Variants in RIPOR3 observed in about 807,000 individuals in gnomAD.
The protein encoded by RIPOR3 is RIPOR family member 3.
RIPOR3 carries 95 observed loss-of-function variants against 114.3 expected under a neutral mutation model. The observed-to-expected ratio is 0.83, with a 90% CI of 0.70 to 0.99. The LOEUF (loss-of-function observed/expected upper bound fraction) is 0.99, where lower values mean the gene tolerates loss of function less well. Among genes scored for constraint, RIPOR3 ranks in the 50% least tolerant of loss-of-function variants. The probability of loss-of-function intolerance (pLI) is 0.00; values close to 1 mark genes in which losing one functional copy is unlikely to be tolerated. For missense variants in RIPOR3, 1,252 were observed against 1,266.9 expected (o/e 0.99, Z 0.18); for synonymous variants, 575 against 543.8 (o/e 1.06, Z -0.80).
chr20:50,618,270 C>CAAA (rs61215608), intron 3 of RIPOR3, among the ~76,000 whole-genome samples: 1,076 of 67,366 alleles, frequency 0.016, 184 homozygotes, highest in African/African-American at 0.07. Context: ...GACTCCGTCT[C>CAAA]AAAAAAAAAA....
At chr20:50,597,999 T>C (rs2083358572) in intron 13 of RIPOR3, among the ~76,000 whole-genome samples, 1 of 152,112 alleles carries the variant, frequency 6.6e-6, no homozygotes, top group Admixed American at 6.5e-5. Flanking sequence ...ACAAGGCCAA[T>C]GGCAGGAGTG....
intron 1 of RIPOR3, among the ~76,000 whole-genome samples, chr20:50,633,133 G>A (rs895907241): frequency 2.2e-4 from 34 of 152,126 alleles, no homozygotes; most frequent in Non-Finnish European, 3.2e-4. Flanking sequence ...TTGGTGGCAG[G>A]CGCCTGTAAT....
At chr20:50,609,775 C>CA (rs1360101612) in intron 6 of RIPOR3, 53 bp from the exon 7 acceptor site, 57 of 1,356,764 alleles carry the variant, frequency 4.2e-5, no homozygotes, top group Non-Finnish European at 5.3e-5. Context: ...GGCGGCCCCA[C>CA]ACCTGCCTGT....
intron 4 of RIPOR3, among the ~76,000 whole-genome samples, chr20:50,615,005 C>T (rs1198047721): frequency 5.3e-5 from 8 of 151,858 alleles, no homozygotes; most frequent in African/African-American, 1.7e-4. Flanking sequence ...TGCAGGGAGC[C>T]GATATCACAC....
chr20:50,604,580 G>C (rs2083628866), intron 12 of RIPOR3, 65 bp downstream of exon 12: 5 of 1,522,288 alleles, frequency 3.3e-6, no homozygotes, highest in South Asian at 1.3e-5. Flanking sequence ...GCTCAGCCCA[G>C]CTCCTGCGTG....
At chr20:50,615,499 T>C (rs908841807) in intron 4 of RIPOR3, among the ~76,000 whole-genome samples, 2 of 133,032 alleles carry the variant, frequency 1.5e-5, no homozygotes, top group African/African-American at 2.9e-5. Flanking sequence ...CACTCCAGCC[T>C]GGACAACAAA....
intron 17 of RIPOR3, among the ~76,000 whole-genome samples, chr20:50,594,302 C>T (rs924082978): frequency 1.1e-4 from 16 of 151,112 alleles, no homozygotes; most frequent in African/African-American, 1.9e-4. Context: ...AAAAATGCAC[C>T]GGCCCACCAA....
Position 50,619,977 on chromosome 20 carries a change from C to T in RIPOR3, c.269+9G>A, listed in dbSNP as rs13045120. The T allele has an allele frequency of 1.0e-3, 1,667 of 1,610,380 alleles. 4 individuals are homozygous for T. The highest frequency in any genetic ancestry group is 1.3e-3 in the Non-Finnish European group (1,586 of 1,176,930). ...CACTTCTTAAAGGCAGCACACAGCC[C>T]AGCCTTACTTGAGGCCTCTTTTCAA... On this transcript the variant is annotated intron_variant, in intron 3 of 21. Transcript: ENST00000327979.
At chr20:50,680,255 G>A (rs1040229811) in intron 1 of RIPOR3, among the ~76,000 whole-genome samples, 2 of 152,198 alleles carry the variant, frequency 1.3e-5, no homozygotes, top group African/African-American at 2.4e-5. Context: ...TACGGCCAGC[G>A]GGGCCCACTG....
At chr20:50,588,557 C>T (rs1222637913) in intron 20 of RIPOR3, among the ~76,000 whole-genome samples, 1 of 152,090 alleles carries the variant, frequency 6.6e-6, no homozygotes, top group African/African-American at 2.4e-5. Context: ...TCATATTCTC[C>T]GGTCCTAGAA....
intron 1 of RIPOR3, among the ~76,000 whole-genome samples, chr20:50,653,722 G>A (rs1265001728): frequency 6.6e-6 from 1 of 151,564 alleles, no homozygotes; most frequent in Non-Finnish European, 1.5e-5. Flanking sequence ...TCCCAAGTAG[G>A]TGGGACTACA....
At chr20:50,596,400 AG>A in intron 14 of RIPOR3, 137 bp from the exon 15 acceptor site, 2 of 1,257,272 alleles carry the variant, frequency 1.6e-6, no homozygotes, top group Non-Finnish European at 1.1e-6. Flanking sequence ...CTGAAGAGGA[AG>A]GGGAAAGGAA....
chr20:50,654,424 T>TG (rs1166180725), intron 1 of RIPOR3, among the ~76,000 whole-genome samples: 2 of 99,540 alleles, frequency 2.0e-5, no homozygotes, highest in African/African-American at 3.7e-5. Context: ...GAGGCAGAGT[T>TG]TTTTTTTTTT....
At chr20:50,665,883 C>A (rs1282145660) in intron 1 of RIPOR3, among the ~76,000 whole-genome samples, 1 of 152,074 alleles carries the variant, frequency 6.6e-6, no homozygotes, top group East Asian at 1.9e-4. Context: ...CCTAAGGCCC[C>A]CCGTCGCCAC....
chr20:50,595,391 G>A lies in RIPOR3; in HGVS notation c.2028C>T (p.Gly676=), dbSNP rs1225946854. The A allele has an allele frequency of 1.2e-6, 2 of 1,613,996 alleles. No homozygotes were observed. Among genetic ancestry groups the A allele is most frequent in the African/African-American group, 2.7e-5 (2 of 74,928 alleles). ...TACTCTCTTCAATGGATGTTGCCTTGCCGACCTTCTCAAAGTCAAGGACAG... is the reference window on the plus strand; with the variant it reads ...TACTCTCTTCAATGGATGTTGCCTTACCGACCTTCTCAAAGTCAAGGACAG... ...TLSVLDFEKV[G]KATSIEEIIP... The change falls in exon 16 of 22, where the codon GGC becomes GGT. Residue 676 remains glycine, a synonymous_variant. Coordinates refer to ENST00000327979, the MANE Select transcript of RIPOR3 (RefSeq NM_001290268.2).
intron 1 of RIPOR3, among the ~76,000 whole-genome samples, chr20:50,633,476 A>C (rs1008941468): frequency 9.2e-5 from 14 of 152,142 alleles, no homozygotes; most frequent in Non-Finnish European, 7.4e-5. Context: ...GCACCTATGC[A>C]GGGCCTGAGA....
intron 14 of RIPOR3, 177 bp downstream of exon 14, chr20:50,597,403 C>T (rs2083330403): frequency 2.1e-6 from 2 of 942,356 alleles, no homozygotes; most frequent in Non-Finnish European, 3.1e-6. Flanking sequence ...AGGACCGGCT[C>T]TGAGGCAAGT....
At chr20:50,680,612 C>T (rs977506393) in intron 1 of RIPOR3, among the ~76,000 whole-genome samples, 2 of 152,252 alleles carry the variant, frequency 1.3e-5, no homozygotes, top group Non-Finnish European at 2.9e-5. Flanking sequence ...AATCTCACGC[C>T]GACCTGGCCA....
chr20:50,675,502 G>A (rs1447188517), intron 1 of RIPOR3, among the ~76,000 whole-genome samples: 2 of 152,186 alleles, frequency 1.3e-5, no homozygotes, highest in East Asian at 3.8e-4. Flanking sequence ...TTTGAATTTG[G>A]TCTATCTGGT....
Sources: gnomAD v4.1 joint callset for allele counts (sites outside exome capture counted in the v4.1 genomes callset) on GRCh38, gnomAD v4.1.1 for gene constraint, MANE v1.5 for transcripts, NCBI Gene and HGNC (gene_info 2026-07-23, HGNC 2026-07-21) for gene names.